Variants in SBF2 observed in about 807,000 individuals in gnomAD.
The protein encoded by SBF2 is myotubularin-related protein 13.
A neutral mutation model predicts 225.2 loss-of-function variants in SBF2; 112 were observed. The ratio of observed to expected loss-of-function variants is 0.50; its 90% confidence interval spans 0.43 to 0.58. The LOEUF (loss-of-function observed/expected upper bound fraction) is 0.58. SBF2 is among the 20% of genes least tolerant of loss of function. The pLI is 0.00. For missense variants in SBF2, 1,996 were observed against 2,206.2 expected, an observed-to-expected ratio of 0.90 and a Z score of 1.91; for synonymous variants, 763 against 773.3, an observed-to-expected ratio of 0.99 and a Z score of 0.22.
At chr11:10,113,460 T>C (rs1421685782) in intron 2 of SBF2, among the ~76,000 whole-genome samples, 2 of 152,122 alleles carry the variant, frequency 1.3e-5, no homozygotes, top group Admixed American at 1.3e-4. Flanking sequence ...GTTCAAATAA[T>C]GAGAGCAAAT....
intron 16 of SBF2, among the ~76,000 whole-genome samples, chr11:9,896,330 T>C (rs968693846): frequency 1.3e-5 from 2 of 152,196 alleles, no homozygotes; most frequent in Admixed American, 6.5e-5. Context: ...TTGTTAAAAG[T>C]TGTGTAACTT....
In SBF2 at chr11:9,842,798, T is replaced by C. The variant is rs767362896; in HGVS notation, c.3111-28A>G. On this transcript the variant is annotated intron_variant, in intron 24 of 39. Coordinates refer to ENST00000256190, the MANE Select transcript of SBF2 (RefSeq NM_030962.4). ...ACAAGTCATAAAACCAAAGAGAATG[T>C]CAACTTAATATAAAAGCACTACTTG... The C allele has an allele frequency of 3.1e-6, 5 of 1,612,088 alleles. No individual in the cohort carries two copies. In the African/African-American group the frequency reaches 4.0e-5, roughly 13 times the overall value.
intron 2 of SBF2, among the ~76,000 whole-genome samples, chr11:10,171,133 C>A (rs60578195): frequency 6.6e-6 from 1 of 151,936 alleles, no homozygotes; most frequent in Non-Finnish European, 1.5e-5. Context: ...CCTAGACTTC[C>A]TTCTCTTATC....
chr11:10,235,399 C>T (rs1243262470), intron 1 of SBF2, among the ~76,000 whole-genome samples: 4 of 152,046 alleles, frequency 2.6e-5, no homozygotes, highest in African/African-American at 4.8e-5. Context: ...CCGTGATGCA[C>T]GCCTGCAATC....
intron 1 of SBF2, 131 bp from the exon 2 acceptor site, chr11:10,194,118 TA>T (rs1957280500): frequency 2.7e-6 from 2 of 745,290 alleles, no homozygotes; most frequent in Non-Finnish European, 2.3e-6. Flanking sequence ...TTTCAAGTTT[TA>T]AAAAACATGT....
In SBF2 at chr11:10,023,968, T is replaced by C. The variant is rs547984163; in HGVS notation, c.619+4484A>G. On this transcript the variant is annotated intron_variant, in intron 6 of 39. Transcript: ENST00000256190. ...CACAAATATCATCCAGAAAGTTTCC[T>C]CATGTCCCTTTGTAATCTCGCTCTT... is the stretch of plus-strand genomic sequence containing the variant. Among the ~76,000 whole-genome samples, 33 of 152,296 alleles carry C rather than the reference T, an allele frequency of 2.2e-4. 1 individual carries two copies. The highest frequency in any genetic ancestry group is 6.8e-3 in the Middle Eastern group (2 of 294).
At chr11:10,121,753 T>G (rs934045864) in intron 2 of SBF2, among the ~76,000 whole-genome samples, 1 of 152,244 alleles carries the variant, frequency 6.6e-6, no homozygotes, top group Non-Finnish European at 1.5e-5. Context: ...TGCCTTCAGA[T>G]CTGAAAATAT....
chr11:10,085,137 C>T (rs1951514289), intron 2 of SBF2, among the ~76,000 whole-genome samples: 1 of 152,098 alleles, frequency 6.6e-6, no homozygotes, highest in Non-Finnish European at 1.5e-5. Context: ...TGGGAAATTC[C>T]CAGATTAAGA....
At chr11:10,171,371 T>C (rs1205438489) in intron 2 of SBF2, among the ~76,000 whole-genome samples, 1 of 152,214 alleles carries the variant, frequency 6.6e-6, no homozygotes, top group Non-Finnish European at 1.5e-5. Context: ...TTTTATCAGA[T>C]GCTTTTTCAG....
At chr11:10,253,618 G>A (rs1960582422) in intron 1 of SBF2, among the ~76,000 whole-genome samples, 1 of 151,706 alleles carries the variant, frequency 6.6e-6, no homozygotes, top group South Asian at 2.1e-4. Flanking sequence ...TTGCTAAAAG[G>A]GGCACTTTTT....
At chr11:9,942,053 G>A (rs1865282657) in intron 16 of SBF2, among the ~76,000 whole-genome samples, 1 of 152,200 alleles carries the variant, frequency 6.6e-6, no homozygotes, top group African/African-American at 2.4e-5. Flanking sequence ...AAATATGTAT[G>A]AGACCTTCAT....
chr11:10,197,921 T>C (rs979046795), intron 1 of SBF2, among the ~76,000 whole-genome samples: 5 of 152,250 alleles, frequency 3.3e-5, no homozygotes, highest in African/African-American at 9.6e-5. Context: ...TTCAGTCACA[T>C]CTTCAGGCTC....
chr11:9,927,713 T>A (rs1484425127), intron 16 of SBF2, among the ~76,000 whole-genome samples: 2 of 151,802 alleles, frequency 1.3e-5, no homozygotes, highest in Admixed American at 6.6e-5. Flanking sequence ...GGAAAAAAAA[T>A]CTGACAAAAT....
intron 16 of SBF2, among the ~76,000 whole-genome samples, chr11:9,936,068 G>A (rs894212850): frequency 6.6e-6 from 1 of 152,140 alleles, no homozygotes; most frequent in South Asian, 2.1e-4. Flanking sequence ...CTGACAAAGG[G>A]CTAATATCCA....
chr11:10,139,180 T>C (rs1954528852), intron 2 of SBF2, among the ~76,000 whole-genome samples: 1 of 152,232 alleles, frequency 6.6e-6, no homozygotes, highest in African/African-American at 2.4e-5. Flanking sequence ...TAAAAATTAC[T>C]TATTTTTGGG....
intron 1 of SBF2, among the ~76,000 whole-genome samples, chr11:10,240,285 C>T (rs1040682176): frequency 6.7e-6 from 1 of 150,330 alleles, no homozygotes; most frequent in African/African-American, 2.4e-5. Flanking sequence ...ACAGGATAAC[C>T]TGTTAAGGCT....
intron 2 of SBF2, among the ~76,000 whole-genome samples, chr11:10,043,316 C>T (rs1949726512): frequency 6.6e-6 from 1 of 152,090 alleles, no homozygotes; most frequent in African/African-American, 2.4e-5. Flanking sequence ...CATTAGAAAT[C>T]AAGGGCAAAA....
In SBF2 at chr11:10,117,166, C is replaced by A. The variant is rs146882338; in HGVS notation, c.142-74185G>T. ...AACAAAAGATATGTATCAGGCCGGG[C>A]GTGGTGGCTCACGCCTGTAATCCCA... On this transcript the variant is annotated intron_variant, in intron 2 of 39. Transcript: ENST00000256190. Among the ~76,000 whole-genome samples, 3 of 152,066 alleles carry A rather than the reference C, an allele frequency of 2.0e-5. No homozygotes were observed. The South Asian group carries it at 6.2e-4, about 32-fold the overall frequency.
chr11:10,127,931 T>C (rs960903003), intron 2 of SBF2, among the ~76,000 whole-genome samples: 2 of 152,234 alleles, frequency 1.3e-5, no homozygotes, highest in African/African-American at 2.4e-5. Context: ...CTGAGTCTCT[T>C]CTTTCTCACT....
Sources: allele counts gnomAD v4.1 joint callset (sites outside exome capture counted in the v4.1 genomes callset), GRCh38; gene constraint gnomAD v4.1.1; transcripts MANE v1.5; gene names NCBI Gene and HGNC (gene_info 2026-07-23, HGNC 2026-07-21).